Variants in RSPO3 observed in about 807,000 individuals in gnomAD.
RSPO3 encodes R-spondin-3.
In RSPO3, 17 loss-of-function variants were observed where a neutral mutation model predicts 36.5. That is an observed-to-expected ratio of 0.47 (90% confidence interval 0.32 to 0.70). The LOEUF (loss-of-function observed/expected upper bound fraction) is 0.70. Ranked by LOEUF, RSPO3 falls within the 30% of genes least tolerant of loss-of-function variation. RSPO3 has a pLI of 0.04. For synonymous variants in RSPO3, 108 were observed against 107.0 expected (o/e 1.01, Z -0.06); for missense variants, 294 against 322.5 (o/e 0.91, Z 0.68).
At chr6:127,170,652 A>T (rs1386646301) in intron 4 of RSPO3, among the ~76,000 whole-genome samples, 1 of 151,754 alleles carries the variant, frequency 6.6e-6, no homozygotes, top group Non-Finnish European at 1.5e-5. Context: ...GGATGAATAG[A>T]TTAAACAAAT....
intron 1 of RSPO3, among the ~76,000 whole-genome samples, chr6:127,144,640 C>CTTTTTTTTTT (rs140423963): frequency 1.6e-5 from 1 of 61,330 alleles, no homozygotes; most frequent in Non-Finnish European, 3.5e-5. Flanking sequence ...GTAGCTTCCC[C>CTTTTTTTTTT]TTGTTTTTTT....
In RSPO3 at chr6:127,159,372, G is replaced by T. The variant is rs1774660569; in HGVS notation, c.634+3934G>T. On this transcript the variant is annotated intron_variant, in intron 4 of 4. Transcript: ENST00000356698. ...ATCTTGGGATAGAAAGGAGAGAGAAGAGCAGAGCATGTTGCTGGAAGAAGT... is the reference window on the plus strand; with the variant it reads ...ATCTTGGGATAGAAAGGAGAGAGAATAGCAGAGCATGTTGCTGGAAGAAGT... Among the ~76,000 whole-genome samples the T allele has an allele frequency of 2.0e-5, 3 of 152,076 alleles. No individual in the cohort carries two copies. In the South Asian group the frequency reaches 6.2e-4, roughly 32 times the overall value.
chr6:127,122,024 A>C (rs1344984769), intron 1 of RSPO3, among the ~76,000 whole-genome samples: 1 of 152,210 alleles, frequency 6.6e-6, no homozygotes, highest in African/African-American at 2.4e-5. Flanking sequence ...CTCTTGATTT[A>C]GTAGGAAACT....
intron 4 of RSPO3, among the ~76,000 whole-genome samples, chr6:127,156,810 T>C (rs1774605038): frequency 1.3e-5 from 2 of 152,032 alleles, no homozygotes; most frequent in South Asian, 4.1e-4. Context: ...TGTGAACTAG[T>C]TTAAAGGGAA....
chr6:127,126,925 C>G (rs1028847891), intron 1 of RSPO3, among the ~76,000 whole-genome samples: 1 of 151,998 alleles, frequency 6.6e-6, no homozygotes, highest in African/African-American at 2.4e-5. Context: ...AGTTTATTCT[C>G]CTAGTCCTCT....
chr6:127,188,462 T>G (rs1230167720), intron 4 of RSPO3, among the ~76,000 whole-genome samples: 2 of 152,030 alleles, frequency 1.3e-5, no homozygotes, highest in Non-Finnish European at 2.9e-5. Context: ...TTCTCTTTTT[T>G]AGTATTAAGT....
chr6:127,173,137 A>C (rs573726743), intron 4 of RSPO3, among the ~76,000 whole-genome samples: 1 of 151,446 alleles, frequency 6.6e-6, no homozygotes, highest in Admixed American at 6.6e-5. Context: ...TGTTGAAAAA[A>C]TTGAAAACCT....
intron 4 of RSPO3, among the ~76,000 whole-genome samples, chr6:127,178,560 A>ATT (rs1168786252): frequency 2.4e-4 from 37 of 151,900 alleles, no homozygotes; most frequent in South Asian, 8.3e-4. Context: ...TATAACATTT[A>ATT]TTGCTTTGTA....
chr6:127,154,589 G>A (rs1296327402), intron 3 of RSPO3, among the ~76,000 whole-genome samples: 1 of 152,024 alleles, frequency 6.6e-6, no homozygotes, highest in East Asian at 1.9e-4. Context: ...ATATTTAAGC[G>A]TACAACAGCA....
intron 4 of RSPO3, among the ~76,000 whole-genome samples, chr6:127,189,006 T>C (rs769316593): frequency 6.6e-6 from 1 of 151,808 alleles, no homozygotes; most frequent in Admixed American, 6.6e-5. Context: ...AGAACAGGGG[T>C]TGAATAGAGC....
intron 1 of RSPO3, among the ~76,000 whole-genome samples, chr6:127,120,233 A>AG (rs1773814942): frequency 6.6e-6 from 1 of 152,186 alleles, no homozygotes; most frequent in Non-Finnish European, 1.5e-5. Context: ...CCCAAGATGA[A>AG]GGGACAGATG....
At chr6:127,129,027 G>C (rs2114544678) in intron 1 of RSPO3, among the ~76,000 whole-genome samples, 1 of 152,148 alleles carries the variant, frequency 6.6e-6, no homozygotes, top group Admixed American at 6.5e-5. Flanking sequence ...GACTGGTAAT[G>C]TGCCCTAGAG....
At chr6:127,152,486 C>T (rs539689606) in intron 3 of RSPO3, among the ~76,000 whole-genome samples, 4 of 152,156 alleles carry the variant, frequency 2.6e-5, no homozygotes, top group South Asian at 4.2e-4. Flanking sequence ...AACTAGGATC[C>T]GGAGAGCCAA....
chr6:127,180,113 T>G (rs1775150655), intron 4 of RSPO3, among the ~76,000 whole-genome samples: 2 of 151,858 alleles, frequency 1.3e-5, no homozygotes, highest in Admixed American at 1.3e-4. Flanking sequence ...ATGTGTCCTC[T>G]GGAAATAGAG....
intron 4 of RSPO3, among the ~76,000 whole-genome samples, chr6:127,180,487 CAAAAAAAAAAAAAAAAA>C (rs71543112): frequency 9.4e-5 from 4 of 42,644 alleles, no homozygotes; most frequent in South Asian, 1.8e-3. Flanking sequence ...TGGAAGAAAA[CAAAAAAAAAAAAAAAAA>C]AAAAAAAAAA....
chr6:127,137,517 T>C (rs1285477770), intron 1 of RSPO3, among the ~76,000 whole-genome samples: 1 of 152,218 alleles, frequency 6.6e-6, no homozygotes, highest in African/African-American at 2.4e-5. Context: ...TAGATACCTC[T>C]AAAGTTCCCA....
chr6:127,152,337 T>A (rs531139541), intron 3 of RSPO3, among the ~76,000 whole-genome samples: 2 of 152,242 alleles, frequency 1.3e-5, no homozygotes, highest in South Asian at 4.1e-4. Context: ...CAATAAGAGA[T>A]GTCTCCCATC....
intron 4 of RSPO3, among the ~76,000 whole-genome samples, chr6:127,194,818 G>C (rs1454358285): frequency 6.6e-6 from 1 of 152,104 alleles, no homozygotes; most frequent in East Asian, 1.9e-4. Flanking sequence ...CCAGCTCCAG[G>C]TCGGGGGCCT....
intron 1 of RSPO3, among the ~76,000 whole-genome samples, chr6:127,132,470 T>C (rs1234594346): frequency 6.6e-6 from 1 of 151,946 alleles, no homozygotes; most frequent in African/African-American, 2.4e-5. Flanking sequence ...AATTGAAAAA[T>C]AGTAAAAACT....
Sources: gnomAD v4.1 joint callset for allele counts (sites outside exome capture counted in the v4.1 genomes callset) on GRCh38, gnomAD v4.1.1 for gene constraint, MANE v1.5 for transcripts, NCBI Gene and HGNC (gene_info 2026-07-23, HGNC 2026-07-21) for gene names.